The following SH3TC2 variants were observed in gnomAD, a reference collection of about 807,000 sequenced individuals.
SH3TC2 encodes SH3 domain and tetratricopeptide repeats 2, also known as SH3 domain and tetratricopeptide repeat-containing protein 2.
Under a neutral mutation model 124.5 loss-of-function variants are expected in SH3TC2, and 87 were observed. The observed-to-expected ratio is 0.70, with a 90% CI of 0.59 to 0.84. The LOEUF is 0.84. Among genes scored for constraint, SH3TC2 ranks in the 40% least tolerant of loss-of-function variants. SH3TC2 has a pLI of 0.00. For missense variants in SH3TC2, 1,536 were observed against 1,566.4 expected, an observed-to-expected ratio of 0.98 and a Z score of 0.33; for synonymous variants, 634 against 628.5, an observed-to-expected ratio of 1.01 and a Z score of -0.13.
chr5:149,000,190 C>T lies in SH3TC2; in HGVS notation c.*4521G>A, dbSNP rs917823701. On this transcript the variant is annotated 3_prime_UTR_variant, in exon 17 of 17. Transcript: ENST00000515425. ...ATATTACATAATATATCATTTGCCC[C>T]TTTCCTGTCACCCAGCTGAATCCCC... Among the ~76,000 whole-genome samples the T allele has an allele frequency of 6.6e-6, 1 of 152,222 alleles. No homozygotes were observed. Among genetic ancestry groups the T allele is most frequent in the Non-Finnish European group, 1.5e-5 (1 of 68,044 alleles).
Position 148,995,559 on chromosome 5 carries a change from A to G in SH3TC2, c.*9152T>C, listed in dbSNP as rs1753495930. 6.6e-6 allele frequency among the ~76,000 whole-genome samples: 1 copy of G among 152,216 alleles called. No individual in the cohort carries two copies. The highest frequency in any genetic ancestry group is 2.4e-5 in the African/African-American group (1 of 41,454). ...TAAACTTTTGCTGAATACCTGCTAT[A>G]TATGTGAGCAGCCCTATCACCTGAT... On this transcript the variant is annotated 3_prime_UTR_variant, in exon 17 of 17. Coordinates refer to ENST00000515425, the MANE Select transcript of SH3TC2 (RefSeq NM_024577.4).
chr5:149,012,493 C>T (rs757653396), intron 13 of SH3TC2, 91 bp downstream of exon 13: 4 of 1,519,644 alleles, frequency 2.6e-6, no homozygotes, highest in South Asian at 1.1e-5. Context: ...CATCATCCCT[C>T]TCTGGTTCCC....
chr5:149,044,918 G>A (rs1310804128), intron 3 of SH3TC2: 2 of 288,276 alleles, frequency 6.9e-6, no homozygotes, highest in Non-Finnish European at 1.3e-5. Context: ...CTATACAGCG[G>A]CAGCAGCAAA....
chr5:149,026,174 C>T (rs1239283079), intron 12 of SH3TC2: 1 of 208,400 alleles, frequency 4.8e-6, no homozygotes, highest in African/African-American at 2.3e-5. Context: ...TGCCACTTCT[C>T]TGAATTATGC....
chr5:149,037,651 C>A (rs1055564825), intron 8 of SH3TC2, among the ~76,000 whole-genome samples: 1 of 152,158 alleles, frequency 6.6e-6, no homozygotes, highest in Non-Finnish European at 1.5e-5. Flanking sequence ...TTCCTATCCC[C>A]ACATAGGAAG....
In SH3TC2 at chr5:148,986,867, C is replaced by T. The variant is rs540386111; in HGVS notation, c.*17844G>A. On this transcript the variant is annotated 3_prime_UTR_variant, in exon 17 of 17. Coordinates refer to ENST00000515425, the MANE Select transcript of SH3TC2 (RefSeq NM_024577.4). ...AGCATCAAGTGTTAACTTGTTAAAACAGTTACACCCAAAAAATGCTGAGAT... is the reference window on the plus strand; with the variant it reads ...AGCATCAAGTGTTAACTTGTTAAAATAGTTACACCCAAAAAATGCTGAGAT... Among the ~76,000 whole-genome samples the T allele has an allele frequency of 6.6e-6, 1 of 152,130 alleles. No individual in the cohort carries two copies. The highest frequency in any genetic ancestry group is 2.4e-5 in the African/African-American group (1 of 41,428).
In SH3TC2 at chr5:149,042,716, G is replaced by A. The variant is rs1754392291; in HGVS notation, c.507C>T (p.Tyr169=). 3 of 1,614,052 alleles carry A rather than the reference G, an allele frequency of 1.9e-6. No homozygotes were observed. Among genetic ancestry groups the A allele is most frequent in the Admixed American group, 1.7e-5 (1 of 60,008 alleles). The change falls in exon 5 of 17, where the codon TAC becomes TAT. Residue 169 remains tyrosine, a synonymous_variant. Transcript: ENST00000515425. ...CACCTTCCTGTATCAGGAGTCCCAG[G>A]TATATTGTTTCCAGGTGTTTATCAT... The part of the protein sequence containing the change: ...SVDDKHLETI[Y]LGLLIQEGHF...
chr5:149,028,731 G>A lies in SH3TC2; in HGVS notation c.1136-13C>T. 1.9e-6 allele frequency: 3 copies of A among 1,614,186 alleles called. No individual in the cohort carries two copies. Among genetic ancestry groups the A allele is most frequent in the Non-Finnish European group, 2.5e-6 (3 of 1,180,022 alleles). ...GATTCAAACCCACCTAAGTAGAGAT[G>A]AAGAACAGGTCTGGTGTTAGGTCAG... On this transcript the variant is annotated splice_polypyrimidine_tract_variant and intron_variant, in intron 9 of 16. Transcript: ENST00000515425.
At chr5:149,021,945 G>A (rs1244865612) in intron 12 of SH3TC2, among the ~76,000 whole-genome samples, 5 of 22,590 alleles carry the variant, frequency 2.2e-4, no homozygotes, top group Admixed American at 2.1e-3. Context: ...ACGGAGTCTC[G>A]CTCTGTCGCC....
rs1753552269 is a variant in SH3TC2 at position 148,998,866 on chromosome 5, G to T, written c.*5845C>A. On this transcript the variant is annotated 3_prime_UTR_variant, in exon 17 of 17. Coordinates refer to ENST00000515425, the MANE Select transcript of SH3TC2 (RefSeq NM_024577.4). ...TCAGACAGAGTTGGGAGAGTGAGGG[G>T]GTACATATCAGGAAATATATGCTGT... is the stretch of plus-strand genomic sequence containing the variant. Among the ~76,000 whole-genome samples, 1 of 152,118 alleles carries T rather than the reference G, an allele frequency of 6.6e-6. No individual in the cohort carries two copies. Among genetic ancestry groups the T allele is most frequent in the Non-Finnish European group, 1.5e-5 (1 of 68,028 alleles).
rs544720421 is a variant in SH3TC2 at position 149,062,999 on chromosome 5, G to A, written c.24C>T (p.Pro8=). The A allele has an allele frequency of 3.1e-6, 5 of 1,600,680 alleles. No individual in the cohort carries two copies. In the South Asian group the frequency reaches 5.7e-5, roughly 18 times the overall value. MGGCFCI[P]RERSLTRGPG... is the part of the protein sequence containing the mutation. ...GGCCCCGGGTCAGACTCCGCTCCCTGGGGATGCAGAAGCAGCCACCCATGT... is the reference window on the plus strand; with the variant it reads ...GGCCCCGGGTCAGACTCCGCTCCCTAGGGATGCAGAAGCAGCCACCCATGT... Residue 8 remains proline (P), a synonymous_variant, in exon 1 of 17, where the codon CCC becomes CCT. Coordinates refer to ENST00000515425, the MANE Select transcript of SH3TC2 (RefSeq NM_024577.4).
chr5:149,006,401 T>A, intron 16 of SH3TC2: 2 of 199,470 alleles, frequency 1.0e-5, no homozygotes, highest in South Asian at 9.9e-5. Context: ...TGCACCCACA[T>A]TTCTCATAAA....
At chr5:149,060,957 G>C (rs1561776269) in intron 1 of SH3TC2, among the ~76,000 whole-genome samples, 1 of 152,112 alleles carries the variant, frequency 6.6e-6, no homozygotes, top group Non-Finnish European at 1.5e-5. Context: ...CTTTTCTCTA[G>C]GATAAATAGG....
Position 149,047,955 on chromosome 5 carries a change from G to A in SH3TC2, c.186C>T (p.Ser62=). 1 of 1,614,078 alleles carries A rather than the reference G, an allele frequency of 6.2e-7. No individual in the cohort carries two copies. Residue 62 remains serine (S), a synonymous_variant, in exon 3 of 17, where the codon TCC becomes TCT. Coordinates refer to ENST00000515425, the MANE Select transcript of SH3TC2 (RefSeq NM_024577.4). ...LTLSFCVKSR[S]RRCVNGPLQE... The stretch of plus-strand genomic sequence containing the variant: ...GTAGGGGTCCATTTACACACCTCCT[G>A]GAGCGGCTCTTTACACAGAAGGAGA...
intron 9 of SH3TC2, among the ~76,000 whole-genome samples, 173 bp downstream of exon 9, chr5:149,031,381 A>G (rs985412013): frequency 2.0e-5 from 3 of 152,236 alleles, no homozygotes; most frequent in African/African-American, 7.2e-5. Flanking sequence ...CCTGAAATCT[A>G]AAGTGAAATG....
chr5:149,023,100 T>C (rs1754003368), intron 12 of SH3TC2, among the ~76,000 whole-genome samples: 2 of 152,224 alleles, frequency 1.3e-5, no homozygotes, highest in Admixed American at 6.5e-5. Flanking sequence ...AGGAAACTCT[T>C]TTGTAAAATT....
chr5:149,016,924 C>CAAAAAAAAA (rs753867645), intron 12 of SH3TC2, among the ~76,000 whole-genome samples: 1 of 92,964 alleles, frequency 1.1e-5, no homozygotes, highest in Non-Finnish European at 2.2e-5. Context: ...GACTCCGTCT[C>CAAAAAAAAA]AAAAAAAAAA....
At position 149,027,604 on chromosome 5, in the gene SH3TC2, G is replaced by A. The variant is rs753287764; in HGVS notation, c.2128C>T (p.Gln710Ter). 3 of 1,614,152 alleles carry A rather than the reference G, an allele frequency of 1.9e-6. No homozygotes were observed. Among genetic ancestry groups the A allele is most frequent in the Non-Finnish European group, 2.5e-6 (3 of 1,180,058 alleles). Residue 710 changes from glutamine to a stop codon, truncating the protein, a stop_gained, in exon 11 of 17, where the codon CAG becomes TAG. Coordinates refer to ENST00000515425, the MANE Select transcript of SH3TC2 (RefSeq NM_024577.4). LOFTEE classifies it high-confidence loss of function. ...SAQGMSLPIW[Q>*]VHLVLQNTTK... ...GTGTTCTGGAGGACAAGGTGGACCT[G>A]CCAAATAGGAAGAGACATCCCTTGG...
rs1208546836 is a variant in SH3TC2 at position 148,986,291 on chromosome 5, C to T, written c.*18420G>A. ...TGTGCTAATTAAAAAACAGACATTG[C>T]TAGTGACTGTTCTAAAAACCTAATA... On this transcript the variant is annotated 3_prime_UTR_variant, in exon 17 of 17. Transcript: ENST00000515425. 3.3e-5 allele frequency among the ~76,000 whole-genome samples: 5 copies of T among 152,162 alleles called. No homozygotes were observed.
Sources: allele counts gnomAD v4.1 joint callset (sites outside exome capture counted in the v4.1 genomes callset), GRCh38; gene constraint gnomAD v4.1.1; transcripts MANE v1.5; gene names NCBI Gene and HGNC (gene_info 2026-07-23, HGNC 2026-07-21).